The following TSHZ2 variants were observed in gnomAD, a reference collection of about 807,000 sequenced individuals.
The protein encoded by TSHZ2 is teashirt zinc finger homeobox 2.
In TSHZ2, 21 loss-of-function variants were observed where a neutral mutation model predicts 74.4. The ratio of observed to expected loss-of-function variants is 0.28; its 90% CI spans 0.20 to 0.41. The LOEUF (loss-of-function observed/expected upper bound fraction) is 0.41. Ranked by LOEUF, TSHZ2 falls within the 10% of genes least tolerant of loss-of-function variation. TSHZ2 has a pLI of 1.00. For missense variants in TSHZ2, 1,244 were observed against 1,293.5 expected, an observed-to-expected ratio of 0.96 and a Z score of 0.59; for synonymous variants, 540 against 515.3, an observed-to-expected ratio of 1.05 and a Z score of -0.65.
intron 2 of TSHZ2, among the ~76,000 whole-genome samples, chr20:53,422,122 A>G (rs572200481): frequency 1.3e-5 from 2 of 152,132 alleles, no homozygotes; most frequent in Non-Finnish European, 2.9e-5. Flanking sequence ...ATTCCTGTCT[A>G]TGGCTAGCTG....
chr20:53,225,906 T>C (rs1216389012), intron 1 of TSHZ2, among the ~76,000 whole-genome samples: 1 of 152,196 alleles, frequency 6.6e-6, no homozygotes, highest in East Asian at 1.9e-4. Flanking sequence ...TTAAGTTATT[T>C]GGAAAATAAG....
At chr20:53,100,871 C>T (rs1255155817) in intron 1 of TSHZ2, among the ~76,000 whole-genome samples, 1 of 152,190 alleles carries the variant, frequency 6.6e-6, no homozygotes, top group Non-Finnish European at 1.5e-5. Context: ...TGCCCAACTC[C>T]CCTCGCCAGA....
At chr20:53,310,966 G>A (rs1339774164) in intron 2 of TSHZ2, among the ~76,000 whole-genome samples, 2 of 152,214 alleles carry the variant, frequency 1.3e-5, no homozygotes, top group Non-Finnish European at 2.9e-5. Flanking sequence ...GAGCCTGGCT[G>A]CCAAAATGTG....
chr20:53,172,358 T>C (rs903172843), intron 1 of TSHZ2, among the ~76,000 whole-genome samples: 1 of 152,238 alleles, frequency 6.6e-6, no homozygotes, highest in Admixed American at 6.5e-5. Flanking sequence ...AGCTCTTTTA[T>C]TTTAAAAATG....
At chr20:53,099,661 A>G (rs1458027038) in intron 1 of TSHZ2, among the ~76,000 whole-genome samples, 1 of 152,234 alleles carries the variant, frequency 6.6e-6, no homozygotes, top group African/African-American at 2.4e-5. Context: ...GGCGAAAGGC[A>G]TGTCTTACAT....
intron 2 of TSHZ2, among the ~76,000 whole-genome samples, chr20:53,436,285 C>T (rs772247021): frequency 2.3e-4 from 35 of 152,210 alleles, no homozygotes; most frequent in African/African-American, 8.2e-4. Flanking sequence ...TCAGGCTTAA[C>T]GATGAAAGGT....
At chr20:53,278,544 C>G (rs139436412) in intron 2 of TSHZ2, among the ~76,000 whole-genome samples, 1 of 152,270 alleles carries the variant, frequency 6.6e-6, no homozygotes, top group African/African-American at 2.4e-5. Flanking sequence ...CTACCCTGCC[C>G]TAGTTTTCCC....
At chr20:53,094,809 A>G (rs958219753) in intron 1 of TSHZ2, among the ~76,000 whole-genome samples, 13 of 152,148 alleles carry the variant, frequency 8.5e-5, no homozygotes, top group Non-Finnish European at 1.3e-4. Flanking sequence ...GATTTTTCTC[A>G]TATTATGAAT....
At chr20:53,018,032 G>A (rs141087158) in intron 1 of TSHZ2, among the ~76,000 whole-genome samples, 3 of 152,272 alleles carry the variant, frequency 2.0e-5, no homozygotes, top group African/African-American at 4.8e-5. Context: ...TCTGCTACAA[G>A]TAACAAGGAA....
intron 1 of TSHZ2, among the ~76,000 whole-genome samples, chr20:53,015,031 C>T (rs1982985162): frequency 6.6e-6 from 1 of 152,194 alleles, no homozygotes; most frequent in Admixed American, 6.5e-5. Context: ...CTTGTTGCCC[C>T]ACACTGCATG....
chr20:53,020,081 TCGTGAGAACCCCCGCACTAC>T (rs1268235764), intron 1 of TSHZ2, among the ~76,000 whole-genome samples: 8 of 151,970 alleles, frequency 5.3e-5, no homozygotes, highest in Admixed American at 4.6e-4. Context: ...CCGTGAGAGC[TCGTGAGAACCCCCGCACTAC>T]CATGAGAACA....
chr20:53,262,032 C>T (rs1990611615), intron 2 of TSHZ2, among the ~76,000 whole-genome samples: 1 of 152,124 alleles, frequency 6.6e-6, no homozygotes, highest in South Asian at 2.1e-4. Flanking sequence ...ACTTGCCCTT[C>T]CTGCAGAGAA....
chr20:53,359,471 A>G (rs539431937), intron 2 of TSHZ2, among the ~76,000 whole-genome samples: 1 of 152,360 alleles, frequency 6.6e-6, no homozygotes, highest in East Asian at 1.9e-4. Flanking sequence ...AACATACTTA[A>G]ACAAAAATAT....
chr20:53,199,305 T>A (rs890285237), intron 1 of TSHZ2, among the ~76,000 whole-genome samples: 2 of 152,018 alleles, frequency 1.3e-5, no homozygotes, highest in South Asian at 4.2e-4. Flanking sequence ...AAACCCTGTC[T>A]CTACTGAAAA....
At chr20:53,327,280 G>A (rs1979532928) in intron 2 of TSHZ2, among the ~76,000 whole-genome samples, 1 of 152,162 alleles carries the variant, frequency 6.6e-6, no homozygotes, top group African/African-American at 2.4e-5. Context: ...ATGTCAAAGA[G>A]TTCTCAGGCC....
At chr20:53,264,458 A>G (rs111934785) in intron 2 of TSHZ2, among the ~76,000 whole-genome samples, 399 of 152,334 alleles carry the variant, frequency 2.6e-3, no homozygotes, top group African/African-American at 8.3e-3. Flanking sequence ...TGGTGCCTTT[A>G]AAGTGCATAG....
intron 2 of TSHZ2, among the ~76,000 whole-genome samples, chr20:53,335,697 AC>A (rs1979918482): frequency 6.6e-6 from 1 of 152,218 alleles, no homozygotes; most frequent in Admixed American, 6.5e-5. Context: ...AAGGGAAGGA[AC>A]AAATGAGCTC....
chr20:53,160,751 A>C (rs1258223862), intron 1 of TSHZ2, among the ~76,000 whole-genome samples: 1 of 151,376 alleles, frequency 6.6e-6, no homozygotes, highest in Non-Finnish European at 1.5e-5. Flanking sequence ...TCTCCAAAAA[A>C]AAAAAAAAAA....
intron 2 of TSHZ2, among the ~76,000 whole-genome samples, chr20:53,326,457 C>G (rs954919034): frequency 6.6e-6 from 1 of 152,208 alleles, no homozygotes; most frequent in African/African-American, 2.4e-5. Context: ...TATTCCTCAG[C>G]AACGCCCATG....
Sources: allele counts gnomAD v4.1 joint callset (sites outside exome capture counted in the v4.1 genomes callset), GRCh38; gene constraint gnomAD v4.1.1; transcripts MANE v1.5; gene names NCBI Gene and HGNC (gene_info 2026-07-23, HGNC 2026-07-21).